The following SLC12A3 variants were observed in gnomAD, a reference collection of about 807,000 sequenced individuals.
The protein encoded by SLC12A3 is Na-Cl cotransporter.
SLC12A3 carries 104 observed loss-of-function variants against 121.0 expected under a neutral mutation model. The ratio of observed to expected loss-of-function variants is 0.86; its 90% CI spans 0.73 to 1.01. The LOEUF (loss-of-function observed/expected upper bound fraction) is 1.01, where lower values mean the gene tolerates loss of function less well. Ranked by LOEUF, SLC12A3 falls within the 50% of genes least tolerant of loss-of-function variation. The probability of loss-of-function intolerance (pLI) is 0.00; values close to 1 mark genes in which losing one functional copy is unlikely to be tolerated. For missense variants in SLC12A3, 1,328 were observed against 1,356.3 expected (o/e 0.98, Z 0.33); for synonymous variants, 536 against 533.4 (o/e 1.00, Z -0.07).
At chr16:56,913,033 G>C (rs560440613) in intron 25 of SLC12A3, among the ~76,000 whole-genome samples, 2 of 152,318 alleles carry the variant, frequency 1.3e-5, no homozygotes, top group South Asian at 4.1e-4. Context: ...GCTTGGCAAG[G>C]ACTAGATCCC....
chr16:56,895,744 CT>C (rs1159440867), intron 22 of SLC12A3, among the ~76,000 whole-genome samples: 1 of 151,814 alleles, frequency 6.6e-6, no homozygotes, highest in Non-Finnish European at 1.5e-5. Flanking sequence ...TTATTGTGCA[CT>C]TTATTTCTAT....
At chr16:56,904,009 T>A (rs1169554962) in intron 24 of SLC12A3, among the ~76,000 whole-genome samples, 4 of 152,226 alleles carry the variant, frequency 2.6e-5, no homozygotes. Flanking sequence ...CTGGAGAAGG[T>A]ATCATCATAC....
Position 56,885,377 on chromosome 16 carries a change from G to T in SLC12A3, c.1925+13G>T. On this transcript the variant is annotated intron_variant, in intron 15 of 25. Transcript: ENST00000563236. The stretch of plus-strand genomic sequence containing the variant: ...TCAAGAACTACCGGTGAGCAGAGCT[G>T]CTGGGACCCACCTGGGACCCCAGGG... 1.3e-6 allele frequency: 2 copies of T among 1,515,486 alleles called. No homozygotes were observed. Among genetic ancestry groups the T allele is most frequent in the South Asian group, 1.2e-5 (1 of 83,332 alleles). 93.9% of individuals were successfully genotyped at this position (1,515,486 alleles called of 1,614,324 possible).
At chr16:56,911,339 GTTTT>G (rs1454792159) in intron 25 of SLC12A3, among the ~76,000 whole-genome samples, 1 of 149,812 alleles carries the variant, frequency 6.7e-6, no homozygotes, top group Non-Finnish European at 1.5e-5. Context: ...TTGTTTGTTT[GTTTT>G]GAGACAGAGT....
chr16:56,888,516 A>G (rs1037160768), intron 18 of SLC12A3, among the ~76,000 whole-genome samples: 1 of 150,300 alleles, frequency 6.7e-6, no homozygotes, highest in Non-Finnish European at 1.5e-5. Context: ...GTGCCCGTGC[A>G]GAAATGTGGG....
rs1473180925 is a variant in SLC12A3, at chr16:56,899,581, C to A, written c.2685C>A (p.Ile895=). ...KFRLGFHEVH[I]LPDINQNPRA... ...GACTGGGATTCCATGAAGTCCACAT[C>A]CTCCCTGACATCAACCAGAACCCTC... Residue 895 remains isoleucine, a synonymous_variant, in exon 23 of 26, where the codon ATC becomes ATA. Transcript: ENST00000563236. 3 of 1,614,162 alleles carry A rather than the reference C, an allele frequency of 1.9e-6. No individual in the cohort carries two copies. Among genetic ancestry groups the A allele is most frequent in the East Asian group, 4.5e-5 (2 of 44,886 alleles).
intron 23 of SLC12A3, among the ~76,000 whole-genome samples, chr16:56,900,711 A>G (rs959150118): frequency 1.3e-5 from 2 of 151,972 alleles, no homozygotes; most frequent in Admixed American, 1.3e-4. Flanking sequence ...TGGTATTTTT[A>G]GTAGAGATGG....
intron 8 of SLC12A3, 32 bp from the exon 9 acceptor site, chr16:56,878,045 T>TTCC: frequency 2.9e-6 from 1 of 339,198 alleles, no homozygotes; most frequent in South Asian, 2.3e-5. Context: ...TCTCCCTCCC[T>TTCC]CCCTCCCTCC....
intron 14 of SLC12A3, among the ~76,000 whole-genome samples, chr16:56,884,836 G>A (rs1053631926): frequency 7.9e-5 from 12 of 152,080 alleles, no homozygotes; most frequent in East Asian, 3.9e-4. Flanking sequence ...GCACAACCTC[G>A]GCTCACTGCA....
chr16:56,902,531 G>GGAGCC, intron 24 of SLC12A3, 23 bp downstream of exon 24: 2 of 714,566 alleles, frequency 2.8e-6, no homozygotes, highest in Non-Finnish European at 2.4e-6. Context: ...GTGGGGGTGG[G>GGAGCC]AAACGCGACA....
intron 17 of SLC12A3, 127 bp from the exon 18 acceptor site, chr16:56,887,798 A>ATATATATTTTTTT (rs1433682477): frequency 1.5e-5 from 1 of 68,456 alleles, no homozygotes; most frequent in African/African-American, 5.7e-5. Flanking sequence ...ATATATATAT[A>ATATATATTTTTTT]TTTTTTTTTT....
chr16:56,880,268 G>C lies in SLC12A3; in HGVS notation c.1567+15G>C, dbSNP rs370716563. ...CATCATCATCGGTAAGGCTCTGCCA[G>C]GGCTCACAGGGCCTGGCCTCCTGTT... is the stretch of plus-strand genomic sequence containing the variant. On this transcript the variant is annotated intron_variant, in intron 12 of 25. Transcript: ENST00000563236. The C allele has an allele frequency of 1.5e-5, 24 of 1,567,892 alleles. No individual in the cohort carries two copies. The highest frequency in any genetic ancestry group is 1.9e-5 in the Non-Finnish European group (22 of 1,156,238).
chr16:56,915,691 CAG>C lies in SLC12A3; in HGVS notation c.*2288_*2289del, dbSNP rs1208124270. 1 of 152,104 alleles carries C rather than the reference CAG, an allele frequency of 6.6e-6. No individual in the cohort carries two copies. Among genetic ancestry groups the C allele is most frequent in the Non-Finnish European group, 1.5e-5 (1 of 68,000 alleles). The allele number at this position is 152,104 out of a possible 1,614,324, so 9.4% of individuals were successfully genotyped here. ...CTCAAAGAGTCCTTGGTCCAAAAAA[CAG>C]AATGTTTTGGCTTCGGGTGTCAAAA... On this transcript the variant is annotated 3_prime_UTR_variant, in exon 26 of 26. Transcript: ENST00000563236.
chr16:56,877,279 C>T (rs2055175769), intron 8 of SLC12A3, among the ~76,000 whole-genome samples: 1 of 151,900 alleles, frequency 6.6e-6, no homozygotes, highest in Admixed American at 6.6e-5. Flanking sequence ...GCCTGTAGTC[C>T]CAGCTACTTG....
chr16:56,884,328 C>T (rs1352825532), intron 14 of SLC12A3, 124 bp downstream of exon 14: 3 of 980,680 alleles, frequency 3.1e-6, no homozygotes, highest in Admixed American at 2.0e-5. Flanking sequence ...CCCCTCTCTG[C>T]CCCTCCCCTT....
chr16:56,903,577 T>G (rs1337694663), intron 24 of SLC12A3, among the ~76,000 whole-genome samples: 1 of 152,184 alleles, frequency 6.6e-6, no homozygotes, highest in African/African-American at 2.4e-5. Flanking sequence ...CAAGGACTTG[T>G]ATGCCCCAAA....
In SLC12A3 at chr16:56,908,161, C is replaced by CTTTTTTTTTTTT. The variant is rs55644914; in HGVS notation, c.2924+3707_2924+3718dup. ...ATTCATTTCTCAGATAGTGATATAA[C>CTTTTTTTTTTTT]TTTTTTTTTTTTTTTTTTTGAGGCA... On this transcript the variant is annotated intron_variant, in intron 25 of 25. Coordinates refer to ENST00000563236, the MANE Select transcript of SLC12A3 (RefSeq NM_001126108.2). 4.6e-4 allele frequency among the ~76,000 whole-genome samples: 45 copies of CTTTTTTTTTTTT among 96,962 alleles called. 2 individuals carry two copies. Among genetic ancestry groups the CTTTTTTTTTTTT allele is most frequent in the African/African-American group, 1.8e-3 (40 of 21,862 alleles). 63.6% of individuals were successfully genotyped at this position (96,962 alleles called of 152,430 possible).
Position 56,868,619 on chromosome 16 carries a change from G to C in SLC12A3, c.505+247G>C, listed in dbSNP as rs138031568. Among the ~76,000 whole-genome samples the C allele has an allele frequency of 4.6e-3, 702 of 152,342 alleles. 3 individuals are homozygous for C. Among genetic ancestry groups the C allele is most frequent in the Non-Finnish European group, 7.2e-3 (493 of 68,038 alleles). ...CCTAAGGGCTATTTGCCCTCAGTAA[G>C]CCACTTAACCTCTCAGAGCCCATTT... On this transcript the variant is annotated intron_variant, in intron 3 of 25. Transcript: ENST00000563236.
chr16:56,884,118 T>C lies in SLC12A3; in HGVS notation c.1739T>C (p.Ile580Thr). 4 of 1,614,196 alleles carry C rather than the reference T, an allele frequency of 2.5e-6. No individual in the cohort carries two copies. The highest frequency in any genetic ancestry group is 3.4e-6 in the Non-Finnish European group (4 of 1,180,000). Reference protein sequence around the residue: ...ALFGAIISVVIMFLLTWWAAL... With the variant: ...ALFGAIISVVTMFLLTWWAAL... Reference sequence around the variant, plus strand: ...TTTGGGGCTATCATCTCCGTGGTCATCATGTTCCTCCTCACCTGGTGGGCG... The same window carrying C: ...TTTGGGGCTATCATCTCCGTGGTCACCATGTTCCTCCTCACCTGGTGGGCG... Residue 580 changes from isoleucine (I) to threonine (T), a missense_variant, in exon 14 of 26, where the codon ATC becomes ACC. Ile to Thr is a moderately conservative substitution (Grantham distance 89). Coordinates refer to ENST00000563236, the MANE Select transcript of SLC12A3 (RefSeq NM_001126108.2).
Sources: gnomAD v4.1 joint callset for allele counts (sites outside exome capture counted in the v4.1 genomes callset) on GRCh38, gnomAD v4.1.1 for gene constraint, MANE v1.5 for transcripts, NCBI Gene and HGNC (gene_info 2026-07-23, HGNC 2026-07-21) for gene names.